The following CDYL variants were observed in gnomAD, a reference collection of about 807,000 sequenced individuals.
The protein encoded by CDYL is chromodomain Y-like protein.
In CDYL, 8 loss-of-function variants were observed where a neutral mutation model predicts 47.3. That is an observed-to-expected ratio of 0.17 (90% CI 0.10 to 0.31). CDYL has a LOEUF of 0.31. CDYL is among the 10% of genes least tolerant of loss of function. CDYL has a pLI of 1.00. For synonymous variants in CDYL, 266 were observed against 265.0 expected (o/e 1.00, Z -0.04); for missense variants, 471 against 701.4 (o/e 0.67, Z 3.71).
At chr6:4,860,152 C>T (rs1419757507) in intron 1 of CDYL, among the ~76,000 whole-genome samples, 4 of 152,072 alleles carry the variant, frequency 2.6e-5, no homozygotes, top group African/African-American at 7.2e-5. Context: ...CCGCCCGCCT[C>T]GGCCTCCCAA....
At chr6:4,727,914 C>A (rs1365444018) in intron 2 of CDYL, among the ~76,000 whole-genome samples, 1 of 152,080 alleles carries the variant, frequency 6.6e-6, no homozygotes, top group Non-Finnish European at 1.5e-5. Context: ...GGCTCTTTCT[C>A]CTGGGTTACC....
intron 3 of CDYL, among the ~76,000 whole-genome samples, chr6:4,768,753 G>C (rs781266587): frequency 2.6e-5 from 4 of 152,138 alleles, no homozygotes; most frequent in African/African-American, 4.8e-5. Context: ...AAGGGACAGG[G>C]GCTGGGAGTG....
intron 1 of CDYL, among the ~76,000 whole-genome samples, chr6:4,878,026 T>C (rs940758962): frequency 3.3e-5 from 5 of 152,222 alleles, no homozygotes; most frequent in African/African-American, 1.2e-4. Flanking sequence ...TATTGAAATA[T>C]GGCTTTTCTC....
At chr6:4,894,511 A>G (rs375690015) in intron 2 of CDYL, among the ~76,000 whole-genome samples, 9 of 152,210 alleles carry the variant, frequency 5.9e-5, no homozygotes, top group East Asian at 3.8e-4. Flanking sequence ...AGAAATTAAG[A>G]TTTCTGTGTT....
chr6:4,844,495 G>A (rs1387564071), intron 1 of CDYL, among the ~76,000 whole-genome samples: 1 of 152,172 alleles, frequency 6.6e-6, no homozygotes, highest in Non-Finnish European at 1.5e-5. Flanking sequence ...TGGAGCAAAA[G>A]TTAAGGAGGT....
At position 4,892,259 on chromosome 6, in the gene CDYL, T is replaced by C. The variant is rs775209577; in HGVS notation, c.571T>C (p.Leu191=). 4 of 1,614,058 alleles carry C rather than the reference T, an allele frequency of 2.5e-6. No homozygotes were observed. The highest frequency in any genetic ancestry group is 2.2e-5 in the South Asian group (2 of 91,086). The change falls in exon 2 of 7, where the codon TTG becomes CTG. Residue 191 remains leucine (L), a synonymous_variant. Coordinates refer to ENST00000397588, the MANE Select transcript of CDYL (RefSeq NM_004824.4). ...AGCGGAAAAGCCGGTCGGAGCTTTATTGGGCCCCGGTGCCGAGAGGGCCAG... is the reference window on the plus strand; with the variant it reads ...AGCGGAAAAGCCGGTCGGAGCTTTACTGGGCCCCGGTGCCGAGAGGGCCAG... The part of the protein sequence containing the change: ...VAAEKPVGAL[L]GPGAERARMG...
intron 3 of CDYL, among the ~76,000 whole-genome samples, chr6:4,756,573 C>CGTGTGTGTGTGTGTGTGT (rs1228739911): frequency 1.6e-5 from 2 of 125,236 alleles, no homozygotes; most frequent in African/African-American, 7.9e-5. Context: ...TTAAAATTAT[C>CGTGTGTGTGTGTGTGTGT]GTGTGTATGT....
At chr6:4,788,480 CAAAAAAAAA>C (rs1220969716) in intron 1 of CDYL, among the ~76,000 whole-genome samples, 3 of 61,064 alleles carry the variant, frequency 4.9e-5, no homozygotes, top group Non-Finnish European at 8.3e-5. Flanking sequence ...GAGACTCTGT[CAAAAAAAAA>C]AAAAAAAAAA....
chr6:4,794,722 A>T (rs1444039503), intron 1 of CDYL, among the ~76,000 whole-genome samples: 1 of 152,066 alleles, frequency 6.6e-6, no homozygotes, highest in Non-Finnish European at 1.5e-5. Flanking sequence ...TTTGTTATGA[A>T]CCTTTTGAAA....
At chr6:4,844,886 A>AT (rs1232725844) in intron 1 of CDYL, among the ~76,000 whole-genome samples, 1 of 152,204 alleles carries the variant, frequency 6.6e-6, no homozygotes, top group African/African-American at 2.4e-5. Flanking sequence ...TAGAATACCT[A>AT]TATTCAACAA....
chr6:4,880,923 C>T (rs1177212490), intron 1 of CDYL, among the ~76,000 whole-genome samples: 2 of 152,162 alleles, frequency 1.3e-5, no homozygotes, highest in Non-Finnish European at 2.9e-5. Context: ...TCAGATAAGT[C>T]CTTTGCAAAT....
chr6:4,734,622 T>A, intron 2 of CDYL: 1 of 1,191,616 alleles, frequency 8.4e-7, no homozygotes, highest in Non-Finnish European at 1.2e-6. Context: ...GAGACCAGTT[T>A]CTATGTTCAG....
rs181045231 is a variant in CDYL, at chr6:4,813,899, G to A, written c.24+37092G>A. On this transcript the variant is annotated intron_variant, in intron 1 of 6. Coordinates refer to ENST00000397588, the MANE Select transcript of CDYL (RefSeq NM_004824.4). ...AACGATCCTTCCACCTCAGCCTCCC[G>A]GCTGGAACTACAGAAGTGTGCCACT... 2.6e-4 allele frequency among the ~76,000 whole-genome samples: 40 copies of A among 151,156 alleles called. 1 individual carries two copies. Among genetic ancestry groups the A allele is most frequent in the Admixed American group, 7.2e-4 (11 of 15,202 alleles).
chr6:4,732,581 G>A (rs1161134873), intron 2 of CDYL, among the ~76,000 whole-genome samples: 1 of 151,340 alleles, frequency 6.6e-6, no homozygotes, highest in African/African-American at 2.4e-5. Context: ...AGGCTTGCTG[G>A]AGCCTGGGAG....
intron 1 of CDYL, among the ~76,000 whole-genome samples, chr6:4,886,320 A>G (rs955621884): frequency 1.3e-5 from 2 of 152,196 alleles, no homozygotes; most frequent in African/African-American, 4.8e-5. Flanking sequence ...CTGTTTTCCA[A>G]TGTGGCTGTA....
At chr6:4,731,238 C>T (rs1757599821) in intron 2 of CDYL, among the ~76,000 whole-genome samples, 1 of 152,170 alleles carries the variant, frequency 6.6e-6, no homozygotes, top group African/African-American at 2.4e-5. Flanking sequence ...CTAACTGAAG[C>T]CTCCAGGTTT....
intron 1 of CDYL, among the ~76,000 whole-genome samples, chr6:4,872,205 T>C (rs1217641143): frequency 6.6e-6 from 1 of 152,110 alleles, no homozygotes; most frequent in Non-Finnish European, 1.5e-5. Flanking sequence ...ACCCTCTCTG[T>C]GAGTGATCAT....
chr6:4,784,665 TC>T (rs1217705067), intron 1 of CDYL, among the ~76,000 whole-genome samples: 4 of 152,186 alleles, frequency 2.6e-5, no homozygotes, highest in Admixed American at 6.5e-5. Context: ...ACGATGGTGG[TC>T]CCGTAAGATT....
intron 1 of CDYL, among the ~76,000 whole-genome samples, chr6:4,873,133 A>C (rs1385208898): frequency 6.6e-6 from 1 of 152,240 alleles, no homozygotes; most frequent in Non-Finnish European, 1.5e-5. Context: ...TACACAAAAG[A>C]GCAAGTGGTT....
Sources: allele counts gnomAD v4.1 joint callset (sites outside exome capture counted in the v4.1 genomes callset), GRCh38; gene constraint gnomAD v4.1.1; transcripts MANE v1.5; gene names NCBI Gene and HGNC (gene_info 2026-07-23, HGNC 2026-07-21).